The following ZNF334 variants were observed in gnomAD, a reference collection of about 807,000 sequenced individuals.
ZNF334 encodes the protein zinc finger protein 334.
Under a neutral mutation model 12.4 loss-of-function variants are expected in ZNF334, and 14 were observed. That is an observed-to-expected ratio of 1.13 (90% CI 0.74 to 1.76). The LOEUF (loss-of-function observed/expected upper bound fraction) is 1.76, where lower values mean the gene tolerates loss of function less well. Among genes scored for constraint, ZNF334 ranks in the 40% most tolerant of loss-of-function variants. The pLI is 0.00. For missense variants in ZNF334, 797 were observed against 804.5 expected, an observed-to-expected ratio of 0.99 and a Z score of 0.11; for synonymous variants, 273 against 269.6, an observed-to-expected ratio of 1.01 and a Z score of -0.12.
At chr20:46,470,044 G>C in the ZNF334 span, among the ~76,000 whole-genome samples, 1 of 152,092 alleles carries the variant, frequency 6.6e-6, no homozygotes, top group Non-Finnish European at 1.5e-5. Flanking sequence ...ATTTAAAATA[G>C]TAGAGCTCCC....
intron 2 of ZNF334, among the ~76,000 whole-genome samples, chr20:46,511,318 A>AG (rs944869816): frequency 6.6e-6 from 1 of 152,004 alleles, no homozygotes; most frequent in Non-Finnish European, 1.5e-5. Context: ...CCTATTAGGG[A>AG]GGGGGCAGTC....
chr20:46,506,705 A>G, intron 2 of ZNF334: 1 of 187,158 alleles, frequency 5.3e-6, no homozygotes, highest in Admixed American at 6.1e-5. Context: ...AACTGGTTAC[A>G]TTCAGGGGAG....
the ZNF334 span, chr20:46,491,996 T>G: frequency 2.0e-5 from 3 of 152,784 alleles, no homozygotes; most frequent in East Asian, 1.9e-4. Context: ...ACACTTTGTA[T>G]GTAATCAATG....
chr20:46,498,949 C>A (rs967733365), downstream of ZNF334, among the ~76,000 whole-genome samples: 1 of 151,734 alleles, frequency 6.6e-6, no homozygotes, highest in East Asian at 2.0e-4. Flanking sequence ...CCGAGGCGGG[C>A]GGATCACGAG....
the ZNF334 span, among the ~76,000 whole-genome samples, chr20:46,484,296 G>C: frequency 6.6e-6 from 1 of 152,108 alleles, no homozygotes; most frequent in Non-Finnish European, 1.5e-5. Flanking sequence ...CTCTACAAGA[G>C]TAAATCATAC....
chr20:46,506,389 G>T lies in ZNF334; in HGVS notation c.22-1649C>A, dbSNP rs1056030801. On this transcript the variant is annotated intron_variant, in intron 2 of 4. Transcript: ENST00000692313. ...ACCTATAATCCCAGCACTCTGAGAG[G>T]TTGAGGTAGGCTGATCGCTGGAGCT... is the stretch of plus-strand genomic sequence containing the variant. The T allele has an allele frequency of 1.1e-5, 6 of 539,322 alleles. No homozygotes were observed. In the African/African-American group the frequency reaches 1.2e-4, roughly 10 times the overall value. The allele number at this position is 539,322 out of a possible 1,614,324, so 33.4% of individuals were successfully genotyped here. A position where few individuals can be genotyped will look rare whatever the true frequency, so the allele number is the denominator to read the frequency against.
rs1381425847 is a variant in ZNF334, at chr20:46,501,579, AAGG to A, written c.1757_1759del (p.Ser586del). 3 of 1,614,086 alleles carry A rather than the reference AAGG, an allele frequency of 1.9e-6. No homozygotes were observed. Among genetic ancestry groups the A allele is most frequent in the Non-Finnish European group, 2.5e-6 (3 of 1,179,990 alleles). ...AGTGTGAGTTCGCTGATGTTCAACA[AAGG>A]AGAACTTCTGACAGAAGGTTTTCCC... is the stretch of plus-strand genomic sequence containing the variant. On this transcript the variant is annotated inframe_deletion, in exon 5 of 5. Transcript: ENST00000692313.
chr20:46,463,661 T>A, the ZNF334 span: 1 of 214,216 alleles, frequency 4.7e-6, no homozygotes, highest in Admixed American at 4.8e-5. Flanking sequence ...AAATTCATGT[T>A]ACAAAACACT....
chr20:46,464,314 T>C, the ZNF334 span: 2 of 549,564 alleles, frequency 3.6e-6, no homozygotes, highest in South Asian at 1.4e-5. Context: ...CAAAGTTAGA[T>C]GTGATCCGGC....
chr20:46,466,519 C>T, the ZNF334 span, among the ~76,000 whole-genome samples: 10 of 152,056 alleles, frequency 6.6e-5, no homozygotes, highest in South Asian at 2.1e-4. Flanking sequence ...AGTCTCGCTC[C>T]GTTGCCCAGA....
In ZNF334 at chr20:46,501,908, A is replaced by T; in HGVS notation, c.1431T>A (p.Thr477=). The T allele has an allele frequency of 6.2e-7, 1 of 1,613,984 alleles. No homozygotes were observed. Among genetic ancestry groups the T allele is most frequent in the Non-Finnish European group, 8.5e-7 (1 of 1,179,986 alleles). Residue 477 remains threonine, a synonymous_variant, in exon 5 of 5, where the codon ACT becomes ACA. Coordinates refer to ENST00000692313, the MANE Select transcript of ZNF334 (RefSeq NM_001353824.2). ...GKFFCHKSTL[T]IHQRTHTGEK... is the part of the protein sequence containing the mutation. The stretch of plus-strand genomic sequence containing the variant: ...CTCCTGTGTGTGTTCTCTGATGTAT[A>T]GTGAGTGTTGACTTATGGCAGAAAA...
chr20:46,496,239 C>G (rs1465815690), downstream of ZNF334, among the ~76,000 whole-genome samples: 3 of 152,182 alleles, frequency 2.0e-5, no homozygotes, highest in Non-Finnish European at 4.4e-5. Flanking sequence ...AACCTGATTA[C>G]CAGTCTTTCC....
At chr20:46,474,554 A>G in the ZNF334 span, 1 of 152,214 alleles carries the variant, frequency 6.6e-6, no homozygotes, top group African/African-American at 2.4e-5. Context: ...CAATAGCCAG[A>G]ATAATCAGAT....
At chr20:46,473,372 C>CT in the ZNF334 span, among the ~76,000 whole-genome samples, 2 of 152,052 alleles carry the variant, frequency 1.3e-5, no homozygotes, top group Admixed American at 6.5e-5. Flanking sequence ...TTTGGTATTT[C>CT]TTTGTTTATA....
Position 46,502,954 on chromosome 20 carries a change from A to G in ZNF334, c.385T>C (p.Ser129Pro). 1 of 1,614,020 alleles carries G rather than the reference A, an allele frequency of 6.2e-7. No homozygotes were observed. The highest frequency in any genetic ancestry group is 8.5e-7 in the Non-Finnish European group (1 of 1,179,964). ...TTACATTTATAGGGCATTTTTCTTG[A>G]GGGAACACTATTCATGCCCAGATTA... ...TLNLGMNSVP[S>P]RKMPYKCNPG... Residue 129 changes from serine to proline, a missense_variant, in exon 5 of 5, where the codon TCA becomes CCA. Physicochemically the swap from Ser to Pro is moderately conservative, Grantham distance 74. Coordinates refer to ENST00000692313, the MANE Select transcript of ZNF334 (RefSeq NM_001353824.2).
At chr20:46,507,229 AAAGGAAAAAC>A (rs1487417384) in intron 2 of ZNF334, among the ~76,000 whole-genome samples, 3 of 152,068 alleles carry the variant, frequency 2.0e-5, no homozygotes, top group African/African-American at 7.2e-5. Flanking sequence ...AAAAGAAAAC[AAAGGAAAAAC>A]AAGGGAAAGG....
chr20:46,511,971 G>A (rs1208443244), intron 2 of ZNF334, 111 bp downstream of exon 2: 13 of 1,060,984 alleles, frequency 1.2e-5, no homozygotes, highest in East Asian at 2.4e-5. Flanking sequence ...AGTATTGATC[G>A]AATACTCTTC....
chr20:46,476,979 C>T, the ZNF334 span: 2 of 152,092 alleles, frequency 1.3e-5, no homozygotes, highest in African/African-American at 4.8e-5. Flanking sequence ...TCCCATACAC[C>T]GATGGGATTT....
chr20:46,481,400 A>C, the ZNF334 span: 1 of 152,260 alleles, frequency 6.6e-6, no homozygotes, highest in South Asian at 2.1e-4. Context: ...GTATTCATTC[A>C]ACAAACTGCT....
Sources: gnomAD v4.1 joint callset for allele counts (sites outside exome capture counted in the v4.1 genomes callset) on GRCh38, gnomAD v4.1.1 for gene constraint, MANE v1.5 for transcripts, NCBI Gene and HGNC (gene_info 2026-07-23, HGNC 2026-07-21) for gene names.